AJAP1: variants seen among roughly 807,000 people sequenced by gnomAD.
The protein encoded by AJAP1 is adherens junction-associated protein 1.
Under a neutral mutation model 35.0 loss-of-function variants are expected in AJAP1, and 5 were observed. That is an observed-to-expected ratio of 0.14 (90% CI 0.07 to 0.30). The LOEUF (loss-of-function observed/expected upper bound fraction) is 0.30. Among genes scored for constraint, AJAP1 ranks in the 10% least tolerant of loss-of-function variants. The pLI, the probability that AJAP1 is intolerant of heterozygous loss-of-function variation, is 1.00. For missense variants in AJAP1, 586 were observed against 571.0 expected (o/e 1.03, Z -0.27); for synonymous variants, 284 against 249.3 (o/e 1.14, Z -1.31).
intron 2 of AJAP1, among the ~76,000 whole-genome samples, chr1:4,745,282 G>A (rs1351996675): frequency 3.3e-5 from 5 of 152,226 alleles, no homozygotes; most frequent in African/African-American, 4.8e-5. Context: ...TGCCAGCACC[G>A]AGAAGGCTGT....
rs534262341 is a variant in AJAP1, at chr1:4,660,958, C to T, written c.29+5504C>T. Among the ~76,000 whole-genome samples the T allele has an allele frequency of 1.1e-4, 16 of 152,254 alleles. 1 individual carries two copies. Among genetic ancestry groups the T allele is most frequent in the African/African-American group, 3.9e-4 (16 of 41,542 alleles). ...TTCGGGGTCAGCCCCACTTTTCTAC[C>T]CTGGCTTATAGGCTTCAAGACCATA... On this transcript the variant is annotated intron_variant, in intron 1 of 5. Transcript: ENST00000378191.
intron 2 of AJAP1, among the ~76,000 whole-genome samples, chr1:4,722,462 C>G (rs1640541757): frequency 6.6e-6 from 1 of 152,246 alleles, no homozygotes. Context: ...GCCTCGTCCT[C>G]TATGTTCACA....
At chr1:4,735,984 G>T (rs1161108123) in intron 2 of AJAP1, among the ~76,000 whole-genome samples, 2 of 152,184 alleles carry the variant, frequency 1.3e-5, no homozygotes, top group Non-Finnish European at 2.9e-5. Flanking sequence ...GTTCCTTAAG[G>T]CCCCAGATCA....
At chr1:4,664,167 G>A (rs1271452575) in intron 1 of AJAP1, among the ~76,000 whole-genome samples, 2 of 152,166 alleles carry the variant, frequency 1.3e-5, no homozygotes, top group Non-Finnish European at 2.9e-5. Flanking sequence ...AAATAGCAGA[G>A]CCCGCACTCA....
intron 2 of AJAP1, among the ~76,000 whole-genome samples, chr1:4,726,294 G>A (rs1320219908): frequency 6.6e-6 from 1 of 152,194 alleles, no homozygotes; most frequent in Non-Finnish European, 1.5e-5. Flanking sequence ...ACCACCCTGG[G>A]GGGCAGTACT....
chr1:4,774,657 A>T (rs1276236310), intron 5 of AJAP1, 99 bp downstream of exon 5: 2 of 675,864 alleles, frequency 3.0e-6, no homozygotes, highest in Non-Finnish European at 5.0e-6. Context: ...GCTCTTTTAG[A>T]CATGGCGGGT....
At chr1:4,724,827 A>G (rs949198632) in intron 2 of AJAP1, among the ~76,000 whole-genome samples, 5 of 152,328 alleles carry the variant, frequency 3.3e-5, no homozygotes, top group Admixed American at 6.5e-5. Context: ...AGATCTTGCA[A>G]TCTTTAGGTG....
intron 1 of AJAP1, among the ~76,000 whole-genome samples, chr1:4,696,669 A>T (rs1639868319): frequency 6.6e-6 from 1 of 152,156 alleles, no homozygotes; most frequent in African/African-American, 2.4e-5. Flanking sequence ...GCAGCCAGTG[A>T]TTGTTGTGTG....
Position 4,753,987 on chromosome 1 carries a change from T to C in AJAP1, c.830-15866T>C, listed in dbSNP as rs150125317. Among the ~76,000 whole-genome samples the C allele has an allele frequency of 4.0e-3, 609 of 152,342 alleles. 5 individuals are homozygous for C. Among genetic ancestry groups the C allele is most frequent in the African/African-American group, 0.013 (553 of 41,576 alleles). On this transcript the variant is annotated intron_variant, in intron 2 of 5. Coordinates refer to ENST00000378191, the MANE Select transcript of AJAP1 (RefSeq NM_018836.4). Reference sequence around the variant, plus strand: ...TTTTTGTTCGCTTGGTTCTGTCCCCTGGTGTGCCTGGTAATCTTGTGTTGA... The same window carrying C: ...TTTTTGTTCGCTTGGTTCTGTCCCCCGGTGTGCCTGGTAATCTTGTGTTGA...
At chr1:4,752,809 A>G (rs535542340) in intron 2 of AJAP1, among the ~76,000 whole-genome samples, 7 of 152,346 alleles carry the variant, frequency 4.6e-5, no homozygotes, top group South Asian at 2.1e-4. Context: ...ACAACTATAG[A>G]ACCAGGATCC....
intron 1 of AJAP1, among the ~76,000 whole-genome samples, chr1:4,673,900 T>C (rs887044091): frequency 6.6e-6 from 1 of 151,936 alleles, no homozygotes; most frequent in African/African-American, 2.4e-5. Context: ...GTGAAATGAA[T>C]TGAACCTCAT....
chr1:4,673,411 C>G (rs1639289782), intron 1 of AJAP1, among the ~76,000 whole-genome samples: 1 of 151,830 alleles, frequency 6.6e-6, no homozygotes, highest in Non-Finnish European at 1.5e-5. Context: ...TTTCTCTGTT[C>G]TCTTTCTGTC....
chr1:4,704,325 G>A (rs1214328229), intron 1 of AJAP1, among the ~76,000 whole-genome samples: 7 of 106,488 alleles, frequency 6.6e-5, no homozygotes, highest in African/African-American at 2.7e-4. Context: ...ACCCCACAAC[G>A]GTGCCCAGAG....
At chr1:4,756,973 C>A (rs946757051) in intron 2 of AJAP1, among the ~76,000 whole-genome samples, 1 of 152,112 alleles carries the variant, frequency 6.6e-6, no homozygotes, top group African/African-American at 2.4e-5. Context: ...ACCTGCCTGC[C>A]CCCAGCCCTT....
chr1:4,748,235 GC>G (rs1641237265), intron 2 of AJAP1, among the ~76,000 whole-genome samples: 1 of 152,070 alleles, frequency 6.6e-6, no homozygotes, highest in Non-Finnish European at 1.5e-5. Flanking sequence ...GCCTCCCATG[GC>G]CTCTGTCCCA....
chr1:4,743,452 A>G (rs1479218756), intron 2 of AJAP1, among the ~76,000 whole-genome samples: 3 of 152,092 alleles, frequency 2.0e-5, no homozygotes, highest in African/African-American at 7.2e-5. Context: ...GGGAACTTAT[A>G]CTTTACAGGA....
chr1:4,706,889 G>C (rs780031134), intron 1 of AJAP1, among the ~76,000 whole-genome samples: 10 of 152,218 alleles, frequency 6.6e-5, no homozygotes, highest in Admixed American at 2.0e-4. Flanking sequence ...CCACAAACTA[G>C]AAAATAAAGT....
At position 4,656,007 on chromosome 1, in the gene AJAP1, T is replaced by A. The variant is rs1638873377; in HGVS notation, c.29+553T>A. Among the ~76,000 whole-genome samples, 1 of 151,888 alleles carries A rather than the reference T, an allele frequency of 6.6e-6. No individual in the cohort carries two copies. The highest frequency in any genetic ancestry group is 1.5e-5 in the Non-Finnish European group (1 of 67,930). ...AGGCTCCCAGCTGCCGACCCAGCTG[T>A]TTGCGGGTGACCTCCGGGCCCGACG... On this transcript the variant is annotated intron_variant, in intron 1 of 5. Transcript: ENST00000378191. This position sits in a 1 kb window ranked among gnomAD's most constrained non-coding sequence, Gnocchi z 5.7.
chr1:4,687,252 T>G (rs913229129), intron 1 of AJAP1, among the ~76,000 whole-genome samples: 2 of 152,216 alleles, frequency 1.3e-5, no homozygotes, highest in Non-Finnish European at 2.9e-5. Context: ...GCACTCGCTA[T>G]GTAGTGAGAC....
Sources: gnomAD v4.1 joint callset for allele counts (sites outside exome capture counted in the v4.1 genomes callset) on GRCh38, gnomAD v4.1.1 for gene constraint, Gnocchi (gnomAD v3.1) non-coding constraint, MANE v1.5 for transcripts, NCBI Gene and HGNC (gene_info 2026-07-23, HGNC 2026-07-21) for gene names.